PCDHGB5: variants seen among roughly 807,000 people sequenced by gnomAD.
PCDHGB5 encodes protocadherin gamma subfamily B, 5.
Under a neutral mutation model 62.9 loss-of-function variants are expected in PCDHGB5, and 48 were observed. The observed-to-expected ratio is 0.76, with a 90% CI of 0.61 to 0.97. The LOEUF (loss-of-function observed/expected upper bound fraction) is 0.97, where lower values mean the gene tolerates loss of function less well. Ranked by LOEUF, PCDHGB5 falls within the 50% of genes least tolerant of loss-of-function variation. The pLI is 0.00. For missense variants in PCDHGB5, 1,118 were observed against 1,198.6 expected (o/e 0.93, Z 0.99); for synonymous variants, 474 against 511.2 (o/e 0.93, Z 0.98).
At chr5:141,478,355 G>T (rs1193169527) in intron 1 of PCDHGB5, 7 of 1,613,742 alleles carry the variant, frequency 4.3e-6, no homozygotes, top group Non-Finnish European at 5.1e-6. Flanking sequence ...CGCGGACGCC[G>T]TGCGGGGAGG....
intron 1 of PCDHGB5, chr5:141,428,587 G>T: frequency 4.4e-6 from 1 of 226,768 alleles, no homozygotes; most frequent in Non-Finnish European, 8.9e-6. Context: ...AGTTTCTCTG[G>T]TAGCAAGCTT....
In PCDHGB5 at chr5:141,432,847, G is replaced by A. The variant is rs768265171; in HGVS notation, c.2397+32323G>A. On this transcript the variant is annotated intron_variant, in intron 1 of 3. Transcript: ENST00000617380. The surrounding 1 kb of genome is among the most constrained non-coding windows in gnomAD (Gnocchi z 6.0). Reference sequence around the variant, plus strand: ...ACCTCACTCTGTACCTGGTGGTAGCGGTGGCCGCGGTCTCCTGCGTCTTCC... The same window carrying A: ...ACCTCACTCTGTACCTGGTGGTAGCAGTGGCCGCGGTCTCCTGCGTCTTCC... 5.0e-6 allele frequency: 8 copies of A among 1,614,180 alleles called. No homozygotes were observed. The highest frequency in any genetic ancestry group is 6.8e-6 in the Non-Finnish European group (8 of 1,179,994).
At chr5:141,420,808 G>A (rs539942896) in intron 1 of PCDHGB5, among the ~76,000 whole-genome samples, 2 of 152,288 alleles carry the variant, frequency 1.3e-5, no homozygotes, top group Admixed American at 6.5e-5. Flanking sequence ...AATTAAGCAA[G>A]CCCTTTTAAT....
rs767195686 is a variant in PCDHGB5 at position 141,399,012 on chromosome 5, A to G, written c.885A>G (p.Gly295=). The change falls in exon 1 of 4, where the codon GGA becomes GGG. Residue 295 remains glycine (G), a synonymous_variant. Transcript: ENST00000617380. ...GQIFSLNSKS[G]EITTQKKLDF... ...TCTTTAGTCTGAATTCAAAGAGCGGAGAAATTACCACTCAAAAGAAACTGG... is the reference window on the plus strand; with the variant it reads ...TCTTTAGTCTGAATTCAAAGAGCGGGGAAATTACCACTCAAAAGAAACTGG... 4.3e-6 allele frequency: 7 copies of G among 1,613,946 alleles called. No homozygotes were observed. The highest frequency in any genetic ancestry group is 3.3e-5 in the Admixed American group (2 of 60,032).
Position 141,432,147 on chromosome 5 carries a change from A to G in PCDHGB5, c.2397+31623A>G. 6.2e-7 allele frequency: 1 copy of G among 1,614,066 alleles called. No individual in the cohort carries two copies. The highest frequency in any genetic ancestry group is 8.5e-7 in the Non-Finnish European group (1 of 1,179,998). ...GCCTCCTATTCCGCTTATATCCCAG[A>G]GAACAATCCCAGAGGAGTTTCCCTC... On this transcript the variant is annotated intron_variant, in intron 1 of 3. Transcript: ENST00000617380. The surrounding 1 kb of genome is among the most constrained non-coding windows in gnomAD (Gnocchi z 6.0).
At chr5:141,408,932 A>C in intron 1 of PCDHGB5, 1 of 1,613,594 alleles carries the variant, frequency 6.2e-7, no homozygotes, top group South Asian at 1.1e-5. Context: ...GGTTTTCAGC[A>C]GAGACGAATA....
chr5:141,428,056 C>T (rs2097104330), intron 1 of PCDHGB5: 3 of 1,609,000 alleles, frequency 1.9e-6, no homozygotes, highest in African/African-American at 1.3e-5. Flanking sequence ...AAGGTGGTGG[C>T]GGTGGACGCA....
intron 1 of PCDHGB5, among the ~76,000 whole-genome samples, chr5:141,445,923 T>C (rs1169404585): frequency 6.6e-6 from 1 of 152,200 alleles, no homozygotes; most frequent in Non-Finnish European, 1.5e-5. Context: ...AGTGACAAGA[T>C]ATTTGAATTA....
In PCDHGB5 at chr5:141,511,421, G is replaced by A. The variant is rs1289887363; in HGVS notation, c.*248G>A. 19 of 829,148 alleles carry A rather than the reference G, an allele frequency of 2.3e-5. No individual in the cohort carries two copies. The highest frequency in any genetic ancestry group is 3.8e-4 in the Middle Eastern group (1 of 2,640). 51.4% of individuals were successfully genotyped at this position (829,148 alleles called of 1,614,324 possible). On this transcript the variant is annotated 3_prime_UTR_variant, in exon 4 of 4. Coordinates refer to ENST00000617380, the MANE Select transcript of PCDHGB5 (RefSeq NM_018925.3). The stretch of plus-strand genomic sequence containing the variant: ...CCAATCAACTGCTGTACCCATGGGG[G>A]TAGTGGGGTTACTGTAGACACCAAG...
chr5:141,413,319 C>T, intron 1 of PCDHGB5: 1 of 1,613,960 alleles, frequency 6.2e-7, no homozygotes, highest in South Asian at 1.1e-5. Context: ...AAGGCTCTTT[C>T]GTGGGCAACA....
rs375665864 is a variant in PCDHGB5, at chr5:141,469,524, A to G, written c.2398-25283A>G. Among the ~76,000 whole-genome samples the G allele has an allele frequency of 2.4e-4, 36 of 152,260 alleles. No homozygotes were observed. The East Asian group carries it at 3.1e-3, about 13-fold the overall frequency. On this transcript the variant is annotated intron_variant, in intron 1 of 3. Coordinates refer to ENST00000617380, the MANE Select transcript of PCDHGB5 (RefSeq NM_018925.3). ...CGGGAGGTGGAGGTTGCAGTGAGCCAAGATTGTGCCACTGCACTCCAGCCT... is the reference window on the plus strand; with the variant it reads ...CGGGAGGTGGAGGTTGCAGTGAGCCGAGATTGTGCCACTGCACTCCAGCCT...
At chr5:141,509,953 G>A (rs987910496) in intron 3 of PCDHGB5, among the ~76,000 whole-genome samples, 4 of 152,282 alleles carry the variant, frequency 2.6e-5, no homozygotes, top group Non-Finnish European at 4.4e-5. Context: ...AAATGCTACC[G>A]GGTATGGCCT....
intron 3 of PCDHGB5, 57 bp from the exon 4 acceptor site, chr5:141,510,890 A>G (rs1434557860): frequency 1.2e-5 from 20 of 1,612,748 alleles, no homozygotes; most frequent in South Asian, 3.3e-5. Context: ...GATATAAGAC[A>G]GTGACTGTTG....
chr5:141,510,621 A>G (rs1317150967), intron 3 of PCDHGB5, among the ~76,000 whole-genome samples: 1 of 152,176 alleles, frequency 6.6e-6, no homozygotes, highest in Non-Finnish European at 1.5e-5. Flanking sequence ...CACTAAAACC[A>G]GAAGAGGTGG....
intron 1 of PCDHGB5, among the ~76,000 whole-genome samples, chr5:141,471,046 CTTTT>C (rs1170588345): frequency 5.3e-5 from 6 of 113,264 alleles, no homozygotes; most frequent in Admixed American, 9.3e-5. Context: ...CCCAAGCCCT[CTTTT>C]TTTTTTTTTT....
At chr5:141,471,654 G>A (rs1235665796) in intron 1 of PCDHGB5, 2 of 152,044 alleles carry the variant, frequency 1.3e-5, no homozygotes, top group South Asian at 2.1e-4. Flanking sequence ...CTGGATGTGG[G>A]GATGCAGAAA....
In PCDHGB5 at chr5:141,476,948, G is replaced by T; in HGVS notation, c.2398-17859G>T. 6.2e-7 allele frequency: 1 copy of T among 1,614,180 alleles called. No individual in the cohort carries two copies. On this transcript the variant is annotated intron_variant, in intron 1 of 3. Transcript: ENST00000617380. The surrounding 1 kb of genome is among the most constrained non-coding windows in gnomAD (Gnocchi z 7.6). ...GGATCTGGATGAAGGCCCCAACGGTGAAATTATTTACTCCTTCGGCAGCCA... is the reference window on the plus strand; with the variant it reads ...GGATCTGGATGAAGGCCCCAACGGTTAAATTATTTACTCCTTCGGCAGCCA...
rs182132552 is a variant in PCDHGB5 at position 141,435,146 on chromosome 5, T to A, written c.2397+34622T>A. Among the ~76,000 whole-genome samples the A allele has an allele frequency of 4.6e-3, 696 of 152,288 alleles. 5 individuals carry two copies. Among genetic ancestry groups the A allele is most frequent in the African/African-American group, 0.016 (677 of 41,554 alleles). ...ATGGAAAATATAAATAAAATTGTGA[T>A]AAACTTTTGTAAATAGAGTGGCTTT... On this transcript the variant is annotated intron_variant, in intron 1 of 3. Transcript: ENST00000617380.
In PCDHGB5 at chr5:141,399,373, G is replaced by A; in HGVS notation, c.1246G>A (p.Val416Ile). Residue 416 changes from valine (V) to isoleucine (I), a missense_variant, in exon 1 of 4, where the codon GTC (valine) becomes ATC (isoleucine). Val to Ile is a conservative substitution (Grantham distance 29). This residue lies in a region of PCDHGB5 where 1,034 missense variants were observed against 1,029.1 expected (regional missense o/e 1.00). Coordinates refer to ENST00000617380, the MANE Select transcript of PCDHGB5 (RefSeq NM_018925.3). ...CCGAGAGCAAACCCCGGAGTACAAT[G>A]TCACCATCACAGCCACAGACAGGGG... ...LDREQTPEYN[V>I]TITATDRGKP... The A allele has an allele frequency of 6.2e-7, 1 of 1,613,982 alleles. No individual in the cohort carries two copies. The highest frequency in any genetic ancestry group is 8.5e-7 in the Non-Finnish European group (1 of 1,179,898).
Sources: allele counts gnomAD v4.1 joint callset (sites outside exome capture counted in the v4.1 genomes callset), GRCh38; gene constraint gnomAD v4.1.1; regional missense constraint gnomAD v4.1.1; non-coding constraint Gnocchi (gnomAD v3.1); transcripts MANE v1.5; gene names NCBI Gene and HGNC (gene_info 2026-07-23, HGNC 2026-07-21).